Variants in VTCN1 observed in about 807,000 individuals in gnomAD.
VTCN1 encodes V-set domain containing T cell activation inhibitor 1, also known as V-set domain-containing T-cell activation inhibitor 1.
Under a neutral mutation model 26.5 loss-of-function variants are expected in VTCN1, and 26 were observed. That is an observed-to-expected ratio of 0.98 (90% CI 0.72 to 1.36). The LOEUF is 1.36. VTCN1 is among the 40% of genes most tolerant of loss of function. VTCN1 has a pLI of 0.00. For synonymous variants in VTCN1, 116 were observed against 130.7 expected (o/e 0.89, Z 0.77); for missense variants, 298 against 337.7 (o/e 0.88, Z 0.92).
chr1:117,180,292 A>G (rs1280244522), intron 1 of VTCN1, among the ~76,000 whole-genome samples: 1 of 152,072 alleles, frequency 6.6e-6, no homozygotes. Context: ...TTATAGCATC[A>G]CCCTGATTGC....
At position 117,167,319 on chromosome 1, in the gene VTCN1, C is replaced by T. The variant is rs1229364791; in HGVS notation, c.97+2788G>A. Among the ~76,000 whole-genome samples, 2 of 152,118 alleles carry T rather than the reference C, an allele frequency of 1.3e-5. No homozygotes were observed. Among genetic ancestry groups the T allele is most frequent in the Non-Finnish European group, 2.9e-5 (2 of 68,032 alleles). ...CACCAAGAAATAGAACCTTACTGCC[C>T]TCCCAGCAGTGCCCTCATGCCCCTC... is the stretch of plus-strand genomic sequence containing the variant. On this transcript the variant is annotated intron_variant, in intron 2 of 5. Transcript: ENST00000369458. This position sits in a 1 kb window ranked among gnomAD's most constrained non-coding sequence, Gnocchi z 4.1.
At position 117,169,205 on chromosome 1, in the gene VTCN1, A is replaced by C. The variant is rs1210805465; in HGVS notation, c.97+902T>G. 5.3e-5 allele frequency among the ~76,000 whole-genome samples: 8 copies of C among 152,346 alleles called. No homozygotes were observed. The highest frequency in any genetic ancestry group is 1.9e-4 in the East Asian group (1 of 5,182). On this transcript the variant is annotated intron_variant, in intron 2 of 5. Coordinates refer to ENST00000369458, the MANE Select transcript of VTCN1 (RefSeq NM_024626.4). The surrounding 1 kb of genome is among the most constrained non-coding windows in gnomAD (Gnocchi z 4.0). ...CATTCAGTGTCAAAATTAAAGCAGC[A>C]TCCATAAAAGATGCTTCAGAGCAGT...
At chr1:117,192,958 C>T (rs374781352) in intron 1 of VTCN1, among the ~76,000 whole-genome samples, 6 of 152,098 alleles carry the variant, frequency 3.9e-5, no homozygotes, top group Admixed American at 3.3e-4. Context: ...AACTATGTAT[C>T]AAATATTAAT....
In VTCN1 at chr1:117,156,866, A is replaced by T; in HGVS notation, c.153T>A (p.Asp51Glu). The T allele has an allele frequency of 1.2e-6, 2 of 1,614,034 alleles. No individual in the cohort carries two copies. Among genetic ancestry groups the T allele is most frequent in the Non-Finnish European group, 1.7e-6 (2 of 1,180,022 alleles). The change falls in exon 3 of 6, where the codon GAT becomes GAA. Residue 51 changes from aspartate to glutamate, a missense_variant. Coordinates refer to ENST00000369458, the MANE Select transcript of VTCN1 (RefSeq NM_024626.4). ...GTTCAAAAGTGCAGCTCAGGATTCC[A>T]TCCTCCCCAATGTTCCCAGCTGAGG... ...TVASAGNIGE[D>E]GILSCTFEPD...
intron 2 of VTCN1, among the ~76,000 whole-genome samples, chr1:117,157,586 C>T (rs2101471891): frequency 6.6e-6 from 1 of 152,296 alleles, no homozygotes; most frequent in South Asian, 2.1e-4. Flanking sequence ...CTGGGTCCCT[C>T]CCACAACACA....
intron 1 of VTCN1, among the ~76,000 whole-genome samples, chr1:117,207,005 T>G (rs1649104357): frequency 6.6e-6 from 1 of 152,170 alleles, no homozygotes; most frequent in Admixed American, 6.5e-5. Context: ...ATACGGCCTG[T>G]GCTGAGATCT....
chr1:117,209,573 G>A (rs1358496846), intron 1 of VTCN1, among the ~76,000 whole-genome samples: 1 of 152,212 alleles, frequency 6.6e-6, no homozygotes, highest in Non-Finnish European at 1.5e-5. Flanking sequence ...GGCAGGGAAG[G>A]AGTCACTCAC....
At chr1:117,206,132 G>A (rs1473201250) in intron 1 of VTCN1, among the ~76,000 whole-genome samples, 1 of 136,572 alleles carries the variant, frequency 7.3e-6, no homozygotes, top group African/African-American at 2.7e-5. Flanking sequence ...AAGGTGTGGT[G>A]GACTTTATTA....
At chr1:117,210,213 C>CAGCAGCAGT (rs1649285763) in intron 1 of VTCN1, among the ~76,000 whole-genome samples, 1 of 106,878 alleles carries the variant, frequency 9.4e-6, no homozygotes, top group African/African-American at 7.8e-5. Flanking sequence ...CTGGGGAGTT[C>CAGCAGCAGT]AGCAGCAGCA....
At chr1:117,182,588 G>A (rs763208005) in intron 1 of VTCN1, among the ~76,000 whole-genome samples, 1 of 152,144 alleles carries the variant, frequency 6.6e-6, no homozygotes, top group Non-Finnish European at 1.5e-5. Flanking sequence ...GACACTCCCT[G>A]TCCTAGGGTG....
chr1:117,210,212 T>TCAGCAGCAGCAG (rs71582595), intron 1 of VTCN1, among the ~76,000 whole-genome samples: 3,982 of 150,204 alleles, frequency 0.027, 161 homozygotes, highest in African/African-American at 0.089. Context: ...TCTGGGGAGT[T>TCAGCAGCAGCAG]CAGCAGCAGC....
At chr1:117,170,963 A>C (rs1026133211) in intron 1 of VTCN1, among the ~76,000 whole-genome samples, 8 of 152,210 alleles carry the variant, frequency 5.3e-5, no homozygotes, top group African/African-American at 1.2e-4. Context: ...AGGTTTTAAG[A>C]CCTGCATGCA....
At chr1:117,168,440 G>A (rs749653722) in intron 2 of VTCN1, among the ~76,000 whole-genome samples, 6 of 152,082 alleles carry the variant, frequency 3.9e-5, no homozygotes, top group Non-Finnish European at 7.4e-5. Context: ...AAATGTGAAA[G>A]ACAAAACAAT....
rs780853657 is a variant in VTCN1, at chr1:117,144,465, A to T, written c.*806T>A. 2.6e-5 allele frequency: 4 copies of T among 152,220 alleles called. No individual in the cohort carries two copies. Among genetic ancestry groups the T allele is most frequent in the Non-Finnish European group, 4.4e-5 (3 of 68,058 alleles). The allele number at this position is 152,220 out of a possible 1,614,324, so 9.4% of individuals were successfully genotyped here. Reference sequence around the variant, plus strand: ...TAGCTGTCCACGCAGGATGGAAAGGAGAAGCCTCAGAGCTTGTGATGACAT... The same window carrying T: ...TAGCTGTCCACGCAGGATGGAAAGGTGAAGCCTCAGAGCTTGTGATGACAT... On this transcript the variant is annotated 3_prime_UTR_variant, in exon 6 of 6. Transcript: ENST00000369458.
Position 117,144,627 on chromosome 1 carries a change from T to C in VTCN1, c.*644A>G, listed in dbSNP as rs1046951761. 6 of 152,424 alleles carry C rather than the reference T, an allele frequency of 3.9e-5. No individual in the cohort carries two copies. Among genetic ancestry groups the C allele is most frequent in the African/African-American group, 1.4e-4 (6 of 41,460 alleles). The allele number at this position is 152,424 out of a possible 1,614,324, so 9.4% of individuals were successfully genotyped here. On this transcript the variant is annotated 3_prime_UTR_variant, in exon 6 of 6. Transcript: ENST00000369458. ...ATAAAATCGGTGTCGCCGACTGCTCTGTTTATGCTAAAATTATGATCATTT... is the reference window on the plus strand; with the variant it reads ...ATAAAATCGGTGTCGCCGACTGCTCCGTTTATGCTAAAATTATGATCATTT...
chr1:117,169,390 C>T lies in VTCN1; in HGVS notation c.97+717G>A, dbSNP rs1310047743. 6.6e-6 allele frequency among the ~76,000 whole-genome samples: 1 copy of T among 152,194 alleles called. No homozygotes were observed. Among genetic ancestry groups the T allele is most frequent in the Admixed American group, 6.5e-5 (1 of 15,274 alleles). The stretch of plus-strand genomic sequence containing the variant: ...TACCTAAGACCCCTGTGTACAAAGA[C>T]TTGATATTCTTTAACACTTCAGCTG... On this transcript the variant is annotated intron_variant, in intron 2 of 5. Coordinates refer to ENST00000369458, the MANE Select transcript of VTCN1 (RefSeq NM_024626.4). This position sits in a 1 kb window ranked among gnomAD's most constrained non-coding sequence, Gnocchi z 4.0.
chr1:117,205,399 GTGA>G (rs1649008173), intron 1 of VTCN1, among the ~76,000 whole-genome samples: 1 of 152,086 alleles, frequency 6.6e-6, no homozygotes, highest in Admixed American at 6.6e-5. Context: ...CTGGACTCAA[GTGA>G]TCCGCCTGCC....
chr1:117,189,862 C>G (rs964854742), intron 1 of VTCN1, among the ~76,000 whole-genome samples: 2 of 151,688 alleles, frequency 1.3e-5, no homozygotes, highest in African/African-American at 4.9e-5. Context: ...TTTGTGGGAG[C>G]CTTGGAATCC....
At chr1:117,195,685 A>G (rs1017656079) in intron 1 of VTCN1, among the ~76,000 whole-genome samples, 2 of 152,164 alleles carry the variant, frequency 1.3e-5, no homozygotes, top group Non-Finnish European at 2.9e-5. Flanking sequence ...GGTTGGTAGG[A>G]GCATAAGTTG....
Sources: allele counts gnomAD v4.1 joint callset (sites outside exome capture counted in the v4.1 genomes callset), GRCh38; gene constraint gnomAD v4.1.1; non-coding constraint Gnocchi (gnomAD v3.1); transcripts MANE v1.5; gene names NCBI Gene and HGNC (gene_info 2026-07-23, HGNC 2026-07-21).